The following PARD3 variants were observed in gnomAD, a reference collection of about 807,000 sequenced individuals.
PARD3 encodes the protein par-3 family cell polarity regulator, also known as partitioning defective 3 homolog.
PARD3 carries 75 observed loss-of-function variants against 155.4 expected under a neutral mutation model. The observed-to-expected ratio is 0.48, with a 90% confidence interval of 0.40 to 0.58. The LOEUF is 0.58. PARD3 is among the 20% of genes least tolerant of loss of function. The pLI is 0.00. For missense variants in PARD3, 1,642 were observed against 1,721.7 expected (o/e 0.95, Z 0.82); for synonymous variants, 576 against 610.5 (o/e 0.94, Z 0.83).
At chr10:34,259,659 C>G (rs1372674073) in intron 22 of PARD3, among the ~76,000 whole-genome samples, 1 of 152,142 alleles carries the variant, frequency 6.6e-6, no homozygotes, top group East Asian at 1.9e-4. Context: ...CATTATCATG[C>G]CCATCATACA....
At chr10:34,341,183 GAAAAA>G (rs58274978) in intron 16 of PARD3, among the ~76,000 whole-genome samples, 9 of 117,338 alleles carry the variant, frequency 7.7e-5, no homozygotes, top group African/African-American at 2.5e-4. Context: ...ATAGCACTCT[GAAAAA>G]AAAAAAAAAA....
At chr10:34,312,431 G>A in intron 20 of PARD3, 2 of 1,596,754 alleles carry the variant, frequency 1.3e-6, no homozygotes, top group Admixed American at 1.7e-5. Flanking sequence ...GGTGAGGAAA[G>A]CAACAAGAAT....
In PARD3 at chr10:34,360,619, AAAAT is replaced by A. The variant is rs1472492010; in HGVS notation, c.1708-364_1708-361del. ...AAGAAAAACAGTAACAATGGGAGTAAAAATAAATAAATATAATTCATTTATCTCC... is the reference window on the plus strand; with the variant it reads ...AAGAAAAACAGTAACAATGGGAGTAAAAATAAATATAATTCATTTATCTCC... On this transcript the variant is annotated intron_variant, in intron 12 of 24. Transcript: ENST00000374788. Among the ~76,000 whole-genome samples the A allele has an allele frequency of 5.3e-5, 8 of 152,190 alleles. No homozygotes were observed. In the East Asian group the frequency reaches 7.7e-4, roughly 15 times the overall value.
intron 22 of PARD3, among the ~76,000 whole-genome samples, chr10:34,155,646 A>G (rs1948970503): frequency 6.6e-6 from 1 of 150,492 alleles, no homozygotes; most frequent in South Asian, 2.1e-4. Flanking sequence ...CATCATCTTC[A>G]GAAACCACAA....
chr10:34,415,214 T>TA (rs1845549382), intron 5 of PARD3, among the ~76,000 whole-genome samples: 1 of 152,106 alleles, frequency 6.6e-6, no homozygotes, highest in Non-Finnish European at 1.5e-5. Flanking sequence ...GCCGTATATG[T>TA]AGTGTTTGTT....
chr10:34,298,550 T>C (rs1026090512), intron 20 of PARD3, among the ~76,000 whole-genome samples: 2 of 152,076 alleles, frequency 1.3e-5, no homozygotes, highest in South Asian at 4.1e-4. Flanking sequence ...GTCAAACTCA[T>C]AGAGACAGAA....
intron 5 of PARD3, among the ~76,000 whole-genome samples, chr10:34,408,537 G>C (rs974874809): frequency 6.6e-6 from 1 of 152,124 alleles, no homozygotes; most frequent in African/African-American, 2.4e-5. Context: ...CTGTTTCCAA[G>C]TCTCCTAGGT....
At chr10:34,666,367 T>G (rs941109780) in intron 2 of PARD3, among the ~76,000 whole-genome samples, 2 of 152,160 alleles carry the variant, frequency 1.3e-5, no homozygotes, top group African/African-American at 4.8e-5. Flanking sequence ...CAATTACTAT[T>G]GAGTTTCTTC....
chr10:34,459,620 CTTATAGTGGTTGCCTAA>C (rs1358488982), intron 4 of PARD3, among the ~76,000 whole-genome samples: 1 of 152,062 alleles, frequency 6.6e-6, no homozygotes, highest in Non-Finnish European at 1.5e-5. Flanking sequence ...TAGTAAAATA[CTTATAGTGGTTGCCTAA>C]TTCCAAAATA....
chr10:34,523,518 T>G (rs984110505), intron 2 of PARD3, among the ~76,000 whole-genome samples: 2 of 152,210 alleles, frequency 1.3e-5, no homozygotes, highest in African/African-American at 4.8e-5. Context: ...AACTTGAAGA[T>G]GCCTCCATGA....
intron 2 of PARD3, among the ~76,000 whole-genome samples, chr10:34,569,294 A>C (rs1434540488): frequency 6.6e-6 from 1 of 152,244 alleles, no homozygotes. Context: ...CATTTACTAT[A>C]GGATAATTTA....
At chr10:34,481,275 C>T (rs1236405816) in intron 3 of PARD3, among the ~76,000 whole-genome samples, 1 of 152,050 alleles carries the variant, frequency 6.6e-6, no homozygotes, top group Non-Finnish European at 1.5e-5. Flanking sequence ...CTCATGTAGG[C>T]CCCAGTGTGT....
chr10:34,404,601 T>G lies in PARD3; in HGVS notation c.715-2684A>C, dbSNP rs1234514069. On this transcript the variant is annotated intron_variant, in intron 5 of 24. Transcript: ENST00000374788. ...AGATATGAGACAATACAGCCATTTG[T>G]TTTTTTTTTCTTTTTCCTTTCCCTA... Among the ~76,000 whole-genome samples, 6 of 146,478 alleles carry G rather than the reference T, an allele frequency of 4.1e-5. No homozygotes were observed. The East Asian group carries it at 6.0e-4, about 15-fold the overall frequency.
At chr10:34,251,923 G>A (rs935935151) in intron 22 of PARD3, among the ~76,000 whole-genome samples, 11 of 152,150 alleles carry the variant, frequency 7.2e-5, no homozygotes, top group Non-Finnish European at 1.3e-4. Context: ...TTGAATGTCT[G>A]TGTGGTAGAA....
chr10:34,512,216 C>T (rs1217572932), intron 3 of PARD3, among the ~76,000 whole-genome samples: 2 of 152,148 alleles, frequency 1.3e-5, no homozygotes, highest in African/African-American at 2.4e-5. Flanking sequence ...TTTGGATATC[C>T]CGTGAAACCA....
rs2076995535 is a variant in PARD3 at position 34,450,455 on chromosome 10, A to G, written c.583-7T>C. ...TTCTGTAGTTTTCATCTTTCTATTC[A>G]AAAAGAAACAAAAAGGTGTCTTGTA... On this transcript the variant is annotated splice_polypyrimidine_tract_variant and splice_region_variant and intron_variant, in intron 4 of 24. Transcript: ENST00000374788. 6.2e-7 allele frequency: 1 copy of G among 1,601,114 alleles called. No homozygotes were observed. The highest frequency in any genetic ancestry group is 2.2e-5 in the East Asian group (1 of 44,728).
chr10:34,600,451 A>G (rs2089665501), intron 2 of PARD3, among the ~76,000 whole-genome samples: 1 of 150,692 alleles, frequency 6.6e-6, no homozygotes, highest in African/African-American at 2.4e-5. Context: ...GTCTGAAATG[A>G]AAAAAAAAAT....
At chr10:34,140,787 A>G (rs1301464575) in intron 22 of PARD3, among the ~76,000 whole-genome samples, 1 of 152,220 alleles carries the variant, frequency 6.6e-6, no homozygotes, top group Non-Finnish European at 1.5e-5. Flanking sequence ...TTCACCAAAC[A>G]CCTGAATTCA....
intron 21 of PARD3, among the ~76,000 whole-genome samples, chr10:34,273,249 T>TAAAAACAAA (rs1336918037): frequency 6.6e-6 from 1 of 151,748 alleles, no homozygotes; most frequent in South Asian, 2.1e-4. Flanking sequence ...GGTGAATAGT[T>TAAAAACAAA]AAAAACAAAA....
Sources: gnomAD v4.1 joint callset for allele counts (sites outside exome capture counted in the v4.1 genomes callset) on GRCh38, gnomAD v4.1.1 for gene constraint, MANE v1.5 for transcripts, NCBI Gene and HGNC (gene_info 2026-07-23, HGNC 2026-07-21) for gene names.